The following SLC4A1AP variants were observed in gnomAD, a reference collection of about 807,000 sequenced individuals.
SLC4A1AP encodes the protein kanadaptin.
A neutral mutation model predicts 89.7 loss-of-function variants in SLC4A1AP; 64 were observed. That is an observed-to-expected ratio of 0.71 (90% CI 0.58 to 0.88). The LOEUF is 0.88. SLC4A1AP is among the 40% of genes least tolerant of loss of function. The pLI, the probability that SLC4A1AP is intolerant of heterozygous loss-of-function variation, is 0.00. For missense variants in SLC4A1AP, 931 were observed against 965.0 expected (o/e 0.96, Z 0.47); for synonymous variants, 366 against 353.3 (o/e 1.04, Z -0.40).
intron 8 of SLC4A1AP, among the ~76,000 whole-genome samples, chr2:27,680,244 G>C (rs1342446621): frequency 1.3e-5 from 2 of 152,092 alleles, no homozygotes; most frequent in Non-Finnish European, 2.9e-5. Flanking sequence ...AGGCAACTGG[G>C]TGGCTGGGGG....
At chr2:27,666,352 A>ACCACCCACCACCC in intron 2 of SLC4A1AP, among the ~76,000 whole-genome samples, 1 of 3,420 alleles carries the variant, frequency 2.9e-4, no homozygotes, top group Non-Finnish European at 8.8e-4. Context: ...CTTGTGATCC[A>ACCACCCACCACCC]CCCCCCACCC....
At chr2:27,676,454 C>T (rs745457110) in intron 6 of SLC4A1AP, among the ~76,000 whole-genome samples, 4 of 152,024 alleles carry the variant, frequency 2.6e-5, no homozygotes, top group Admixed American at 6.6e-5. Flanking sequence ...AAATGAAGTC[C>T]GAGTTATTCA....
intron 1 of SLC4A1AP, 67 bp from the exon 2 acceptor site, chr2:27,665,033 G>T (rs944723537): frequency 1.5e-6 from 2 of 1,351,870 alleles, no homozygotes; most frequent in Non-Finnish European, 2.0e-6. Flanking sequence ...CTCCAGTCCA[G>T]CCTAGGCGAC....
At chr2:27,693,565 T>C (rs1675824181) in intron 12 of SLC4A1AP, 120 bp from the exon 13 acceptor site, 2 of 657,576 alleles carry the variant, frequency 3.0e-6, no homozygotes, top group African/African-American at 3.8e-5. Flanking sequence ...GGATACAAAA[T>C]TCTTGACTAA....
chr2:27,680,558 G>C (rs925295259), intron 8 of SLC4A1AP, among the ~76,000 whole-genome samples: 5 of 152,064 alleles, frequency 3.3e-5, no homozygotes, highest in African/African-American at 1.2e-4. Flanking sequence ...GAGTGAGTGA[G>C]GTGGGAGGAT....
At chr2:27,671,851 G>C (rs557156774) in intron 5 of SLC4A1AP, among the ~76,000 whole-genome samples, 1 of 152,290 alleles carries the variant, frequency 6.6e-6, no homozygotes, top group South Asian at 2.1e-4. Flanking sequence ...TCCTCTAGTA[G>C]ATTTCAGAGA....
chr2:27,692,061 C>T (rs1028932831), intron 12 of SLC4A1AP: 1 of 152,128 alleles, frequency 6.6e-6, no homozygotes, highest in African/African-American at 2.4e-5. Flanking sequence ...AATCCTCCTG[C>T]CTTGGCCTTT....
At chr2:27,668,669 C>T (rs527785593) in intron 3 of SLC4A1AP, 174 bp from the exon 4 acceptor site, 99 of 706,322 alleles carry the variant, frequency 1.4e-4, no homozygotes, top group East Asian at 3.8e-4. Context: ...AGACTGGTTT[C>T]GCGCTCCTTA....
intron 8 of SLC4A1AP, among the ~76,000 whole-genome samples, chr2:27,679,704 G>A (rs1675587608): frequency 6.6e-6 from 1 of 152,160 alleles, no homozygotes; most frequent in Non-Finnish European, 1.5e-5. Context: ...ATCAAGATAA[G>A]TAACAAAAGC....
intron 5 of SLC4A1AP, among the ~76,000 whole-genome samples, chr2:27,675,203 C>G (rs1351487116): frequency 1.3e-5 from 2 of 152,160 alleles, no homozygotes; most frequent in Admixed American, 6.5e-5. Flanking sequence ...TTTTATCATT[C>G]CATACTGAAA....
At chr2:27,667,476 G>T in intron 3 of SLC4A1AP, 86 bp downstream of exon 3, 1 of 1,244,704 alleles carries the variant, frequency 8.0e-7, no homozygotes, top group Non-Finnish European at 1.1e-6. Context: ...TTTATACTAA[G>T]ATATGCTATA....
intron 13 of SLC4A1AP, 22 bp from the exon 14 acceptor site, chr2:27,694,612 C>A: frequency 6.5e-7 from 1 of 1,527,636 alleles, no homozygotes; most frequent in Non-Finnish European, 8.9e-7. Context: ...TAATGTATTT[C>A]TTTTTTTATA....
At chr2:27,664,310 G>T (rs750844176) in exon 1 of SLC4A1AP, 2 of 1,614,096 alleles carry the variant, frequency 1.2e-6, no homozygotes, top group African/African-American at 2.7e-5. Context: ...TGAAAGGGAC[G>T]AGTTACTGCC....
In SLC4A1AP at chr2:27,675,153, C is replaced by A. The variant is rs113930669; in HGVS notation, c.1346-379C>A. Among the ~76,000 whole-genome samples the A allele has an allele frequency of 4.5e-3, 691 of 152,302 alleles. 3 individuals are homozygous for A. Among genetic ancestry groups the A allele is most frequent in the African/African-American group, 0.016 (653 of 41,570 alleles). ...CACTCAGTGGCATTAAGTACATTCACAATATTATGGAACCATCAACACTGT... is the reference window on the plus strand; with the variant it reads ...CACTCAGTGGCATTAAGTACATTCAAAATATTATGGAACCATCAACACTGT... On this transcript the variant is annotated intron_variant, in intron 5 of 13. Coordinates refer to ENST00000613058, the Ensembl canonical transcript of SLC4A1AP.
rs1295159207 is a variant in SLC4A1AP at position 27,669,051 on chromosome 2, A to G, written c.1205+148A>G. On this transcript the variant is annotated intron_variant, in intron 4 of 13. Coordinates refer to ENST00000613058, the Ensembl canonical transcript of SLC4A1AP. ...GCCTTTATCGTTTAGTAACCCTTATATTATTGGAGAGTGGGGTGGGATGGG... is the reference window on the plus strand; with the variant it reads ...GCCTTTATCGTTTAGTAACCCTTATGTTATTGGAGAGTGGGGTGGGATGGG... 1.5e-5 allele frequency: 15 copies of G among 1,001,322 alleles called. No individual in the cohort carries two copies. In the East Asian group the frequency reaches 2.6e-4, roughly 18 times the overall value. The allele number at this position is 1,001,322 out of a possible 1,614,324, so 62.0% of individuals were successfully genotyped here.
At chr2:27,677,980 T>A (rs978656040) in intron 8 of SLC4A1AP, 56 bp downstream of exon 8, 36 of 1,152,650 alleles carry the variant, frequency 3.1e-5, no homozygotes, top group Non-Finnish European at 3.8e-5. Flanking sequence ...AGATAACATT[T>A]TCAATTATCG....
chr2:27,663,925 TTC>T lies in SLC4A1AP; in HGVS notation c.180_181del (p.Gln61ValfsTer27), dbSNP rs746758205. The T allele has an allele frequency of 5.6e-6, 9 of 1,614,088 alleles. No homozygotes were observed. Among genetic ancestry groups the T allele is most frequent in the Non-Finnish European group, 7.6e-6 (9 of 1,180,014 alleles). On this transcript the variant is annotated frameshift_variant, in exon 1 of 14. Transcript: ENST00000613058. LOFTEE classifies it high-confidence loss of function. ...TTGCACCGGTTGAGGATGGCTGACA[TTC>T]TCTCTCAGTCAGAGACCCTGGCGTC...
intron 9 of SLC4A1AP, 49 bp from the exon 10 acceptor site, chr2:27,684,988 T>C (rs1392762502): frequency 1.3e-6 from 2 of 1,539,200 alleles, no homozygotes; most frequent in Non-Finnish European, 1.7e-6. Context: ...ATTTTTCTCT[T>C]GTTGTCATTA....
At chr2:27,686,905 T>C (rs1297613667) in intron 10 of SLC4A1AP, among the ~76,000 whole-genome samples, 1 of 152,240 alleles carries the variant, frequency 6.6e-6, no homozygotes, top group African/African-American at 2.4e-5. Flanking sequence ...TCTTACTTTG[T>C]TACCCAGGTT....
Sources: allele counts gnomAD v4.1 joint callset (sites outside exome capture counted in the v4.1 genomes callset), GRCh38; gene constraint gnomAD v4.1.1; transcripts MANE v1.5; gene names NCBI Gene and HGNC (gene_info 2026-07-23, HGNC 2026-07-21).